PP2D1: variants seen among roughly 807,000 people sequenced by gnomAD.
The protein encoded by PP2D1 is protein phosphatase 2C-like domain-containing protein 1.
In PP2D1, 25 loss-of-function variants were observed where a neutral mutation model predicts 30.2. The ratio of observed to expected loss-of-function variants is 0.83; its 90% CI spans 0.60 to 1.16. The LOEUF (loss-of-function observed/expected upper bound fraction) is 1.16, where lower values mean the gene tolerates loss of function less well. PP2D1 is among the 50% of genes most tolerant of loss of function. The pLI is 0.00. For missense variants in PP2D1, 760 were observed against 742.4 expected (o/e 1.02, Z -0.28); for synonymous variants, 260 against 258.9 (o/e 1.00, Z -0.04).
chr3:19,997,143 T>G (rs1311449437), intron 2 of PP2D1, among the ~76,000 whole-genome samples: 2 of 150,618 alleles, frequency 1.3e-5, no homozygotes, highest in Non-Finnish European at 3.0e-5. Flanking sequence ...TCAACAATGC[T>G]GGAGATGGGT....
At chr3:19,988,133 GAGC>G (rs1407400453) in intron 2 of PP2D1, among the ~76,000 whole-genome samples, 3 of 152,118 alleles carry the variant, frequency 2.0e-5, no homozygotes, top group African/African-American at 7.2e-5. Flanking sequence ...CTTGAAAAAA[GAGC>G]AGGATAACAG....
intron 2 of PP2D1, among the ~76,000 whole-genome samples, chr3:19,986,740 A>AT (rs1697042212): frequency 6.6e-6 from 1 of 151,014 alleles, no homozygotes; most frequent in Non-Finnish European, 1.5e-5. Flanking sequence ...AGATTCTAAA[A>AT]TTTAAGTCAA....
At chr3:20,011,756 G>A (rs529602256) in intron 1 of PP2D1, among the ~76,000 whole-genome samples, 180 of 152,122 alleles carry the variant, frequency 1.2e-3, no homozygotes, top group Non-Finnish European at 3.4e-4. Context: ...CCGAGATCGC[G>A]CCATTGCACT....
rs1317281020 is a variant in PP2D1 at position 20,001,615 on chromosome 3, T to C, written c.505A>G (p.Lys169Glu). 3.3e-6 allele frequency: 5 copies of C among 1,536,374 alleles called. No individual in the cohort carries two copies. The highest frequency in any genetic ancestry group is 4.4e-6 in the Non-Finnish European group (5 of 1,146,920). ...YSQKICHLLI[K>E]GVGICEDRNS... The stretch of plus-strand genomic sequence containing the variant: ...CTGTCTTCACAAATGCCCACTCCTT[T>C]AATTAACAGATGACATATTTTTTGA... Residue 169 changes from lysine to glutamate, a missense_variant, in exon 2 of 3, where the codon AAA becomes GAA. Lys to Glu is a moderately conservative substitution (Grantham distance 56). This residue lies in a region of PP2D1 where 374 missense variants were observed against 388.8 expected (regional missense o/e 0.96). Coordinates refer to ENST00000389050, the MANE Select transcript of PP2D1 (RefSeq NM_001252657.2).
intron 2 of PP2D1, among the ~76,000 whole-genome samples, chr3:19,993,579 C>T (rs1204645129): frequency 6.6e-6 from 1 of 151,450 alleles, no homozygotes; most frequent in Non-Finnish European, 1.5e-5. Flanking sequence ...TTACATAAAA[C>T]AAAATTAGCT....
At chr3:19,998,568 G>A (rs2929411) in intron 2 of PP2D1, among the ~76,000 whole-genome samples, 151,837 of 152,304 alleles carry the variant, frequency 1, 75,686 homozygotes, top group East Asian at 1. Flanking sequence ...GGTACCCCAT[G>A]AATATTTATA....
At chr3:19,987,248 T>C (rs77819727) in intron 2 of PP2D1, among the ~76,000 whole-genome samples, 77 of 152,298 alleles carry the variant, frequency 5.1e-4, no homozygotes, top group African/African-American at 1.8e-3. Flanking sequence ...GGTGGTTATA[T>C]ATTACTGTAA....
At chr3:20,008,705 C>G (rs1297042899) in intron 1 of PP2D1, among the ~76,000 whole-genome samples, 1 of 151,972 alleles carries the variant, frequency 6.6e-6, no homozygotes, top group Non-Finnish European at 1.5e-5. Flanking sequence ...GAGCTGTGAT[C>G]ACGCCACTGT....
rs950141737 is a variant in PP2D1, at chr3:20,001,173, G to T, written c.947C>A (p.Thr316Asn). 6.7e-7 allele frequency: 1 copy of T among 1,496,150 alleles called. No individual in the cohort carries two copies. Among genetic ancestry groups the T allele is most frequent in the African/African-American group, 1.4e-5 (1 of 71,002 alleles). The allele number at this position is 1,496,150 out of a possible 1,614,324, so 92.7% of individuals were successfully genotyped here. ...TTTAGGTTTGCCTTCCAATATACAA[G>T]TAACTGCAGAGCAGCCACTCCATTG... ...RVQWSGCSAV[T>N]CILEGKPKSP... Residue 316 changes from threonine to asparagine, a missense_variant, in exon 2 of 3, where the codon ACT becomes AAT. Coordinates refer to ENST00000389050, the MANE Select transcript of PP2D1 (RefSeq NM_001252657.2).
chr3:19,991,980 T>C, intron 2 of PP2D1, among the ~76,000 whole-genome samples: 1 of 152,058 alleles, frequency 6.6e-6, no homozygotes, highest in East Asian at 1.9e-4. Context: ...TAAAGGAGCA[T>C]AGGTAAATTA....
chr3:19,994,359 A>G (rs1398749430), intron 2 of PP2D1, among the ~76,000 whole-genome samples: 2 of 152,192 alleles, frequency 1.3e-5, no homozygotes, highest in African/African-American at 2.4e-5. Flanking sequence ...ACATTAGAAG[A>G]TTAAAGCTCA....
At chr3:19,988,814 A>G (rs1697077512) in intron 2 of PP2D1, among the ~76,000 whole-genome samples, 1 of 152,148 alleles carries the variant, frequency 6.6e-6, no homozygotes, top group Non-Finnish European at 1.5e-5. Flanking sequence ...ACCTACATGA[A>G]ATATTGGGGG....
intron 2 of PP2D1, among the ~76,000 whole-genome samples, chr3:19,998,103 G>A (rs1364802468): frequency 1.3e-5 from 2 of 152,200 alleles, no homozygotes; most frequent in Non-Finnish European, 2.9e-5. Flanking sequence ...GCAGAGGAGG[G>A]TGGGTCACCT....
At chr3:19,985,228 A>T, downstream of PP2D1, 1 of 623,380 alleles carries the variant, frequency 1.6e-6, no homozygotes, top group Non-Finnish European at 2.7e-6. Context: ...GAATATATAT[A>T]AATGATACTA....
At chr3:19,994,154 T>C (rs1329206594) in intron 2 of PP2D1, among the ~76,000 whole-genome samples, 2 of 152,036 alleles carry the variant, frequency 1.3e-5, no homozygotes, top group Non-Finnish European at 2.9e-5. Flanking sequence ...CAGAGGATGA[T>C]GGCCTCACTG....
chr3:19,992,902 C>T (rs898641912), intron 2 of PP2D1, among the ~76,000 whole-genome samples: 24 of 152,108 alleles, frequency 1.6e-4, no homozygotes, highest in African/African-American at 5.3e-4. Context: ...GCTGTGGTGG[C>T]GCAGGCTGAA....
At chr3:19,999,700 T>C (rs1457428530) in intron 2 of PP2D1, among the ~76,000 whole-genome samples, 1 of 152,158 alleles carries the variant, frequency 6.6e-6, no homozygotes, top group African/African-American at 2.4e-5. Flanking sequence ...TGTCTAGACA[T>C]TTAATGACAG....
chr3:19,989,740 C>A (rs1006386203), intron 2 of PP2D1, among the ~76,000 whole-genome samples: 2 of 152,240 alleles, frequency 1.3e-5, no homozygotes, highest in East Asian at 3.9e-4. Context: ...TGCATACATA[C>A]GAATTGTACG....
At position 20,001,214 on chromosome 3, in the gene PP2D1, T is replaced by G. The variant is rs1453523432; in HGVS notation, c.906A>C (p.Lys302Asn). The change falls in exon 2 of 3, where the codon AAA (lysine) becomes AAC (asparagine). Residue 302 changes from lysine (K) to asparagine (N), a missense_variant. By Grantham distance (94) the Lys-to-Asn change is moderately conservative. Transcript: ENST00000389050. ...RMDRLLGLGR[K>N]EVSRVQWSGC... Reference sequence around the variant, plus strand: ...CACTCCATTGAACCCTGGACACTTCTTTTCTTCCAAGACCTAAAAGCCTAT... The same window carrying G: ...CACTCCATTGAACCCTGGACACTTCGTTTCTTCCAAGACCTAAAAGCCTAT... 22 of 1,534,816 alleles carry G rather than the reference T, an allele frequency of 1.4e-5. No homozygotes were observed. The highest frequency in any genetic ancestry group is 1.9e-5 in the Non-Finnish European group (22 of 1,146,422).
Sources: gnomAD v4.1 joint callset for allele counts (sites outside exome capture counted in the v4.1 genomes callset) on GRCh38, gnomAD v4.1.1 for gene constraint, gnomAD v4.1.1 regional missense constraint, MANE v1.5 for transcripts, NCBI Gene and HGNC (gene_info 2026-07-23, HGNC 2026-07-21) for gene names.